SLC35A3: variants seen among roughly 807,000 people sequenced by gnomAD.
The protein encoded by SLC35A3 is UDP-N-acetylglucosamine transporter.
Under a neutral mutation model 39.0 loss-of-function variants are expected in SLC35A3, and 26 were observed. The ratio of observed to expected loss-of-function variants is 0.67; its 90% CI spans 0.49 to 0.92. The LOEUF (loss-of-function observed/expected upper bound fraction) is 0.92. Ranked by LOEUF, SLC35A3 falls within the 40% of genes least tolerant of loss-of-function variation. SLC35A3 has a pLI of 0.00. For synonymous variants in SLC35A3, 135 were observed against 133.1 expected (o/e 1.01, Z -0.10); for missense variants, 299 against 371.6 (o/e 0.80, Z 1.61).
intron 1 of SLC35A3, among the ~76,000 whole-genome samples, chr1:99,976,008 C>T (rs1460270228): frequency 2.0e-5 from 3 of 151,984 alleles, no homozygotes; most frequent in African/African-American, 7.2e-5. Flanking sequence ...TGCAGCGAGC[C>T]GTGATCACAG....
At chr1:100,010,050 A>C (rs747425256) in intron 4 of SLC35A3, among the ~76,000 whole-genome samples, 1 of 152,206 alleles carries the variant, frequency 6.6e-6, no homozygotes, top group Non-Finnish European at 1.5e-5. Flanking sequence ...AAATTTAATT[A>C]GTTAAAATTA....
chr1:99,986,459 C>T (rs1004916772), intron 1 of SLC35A3, among the ~76,000 whole-genome samples: 2 of 151,854 alleles, frequency 1.3e-5, no homozygotes, highest in Non-Finnish European at 2.9e-5. Flanking sequence ...TAAAAACATA[C>T]ATTATAATAA....
At chr1:99,990,191 T>A (rs1657993634) in intron 1 of SLC35A3, among the ~76,000 whole-genome samples, 1 of 152,220 alleles carries the variant, frequency 6.6e-6, no homozygotes, top group Non-Finnish European at 1.5e-5. Context: ...ATTGAATATT[T>A]ATAGTTTCAG....
At chr1:100,007,626 C>G (rs1367179693) in intron 4 of SLC35A3, 1 of 151,118 alleles carries the variant, frequency 6.6e-6, no homozygotes, top group African/African-American at 2.4e-5. Flanking sequence ...TAAGTTACAT[C>G]TTTATTTTTG....
In SLC35A3 at chr1:100,005,113, T is replaced by A. The variant is rs185894904; in HGVS notation, c.343-1921T>A. ...GTATGGTATTTTTATCTGGCAGTTT[T>A]TCTTTCTTTCAGCACTTTGAATATA... is the stretch of plus-strand genomic sequence containing the variant. On this transcript the variant is annotated intron_variant, in intron 3 of 7. Coordinates refer to ENST00000533028, the MANE Select transcript of SLC35A3 (RefSeq NM_012243.3). 1.4e-4 allele frequency among the ~76,000 whole-genome samples: 22 copies of A among 152,318 alleles called. No homozygotes were observed. The East Asian group carries it at 3.5e-3, about 24-fold the overall frequency.
chr1:99,970,709 T>A, intron 1 of SLC35A3: 1 of 1,080,766 alleles, frequency 9.3e-7, no homozygotes, highest in Non-Finnish European at 1.4e-6. Flanking sequence ...AACAGGTGTG[T>A]GGGTGCATTG....
intron 3 of SLC35A3, among the ~76,000 whole-genome samples, chr1:100,003,815 C>T (rs1198154805): frequency 6.6e-6 from 1 of 152,088 alleles, no homozygotes; most frequent in African/African-American, 2.4e-5. Flanking sequence ...GAGTTGGGTG[C>T]ATGTATATTT....
In SLC35A3 at chr1:100,017,672, A is replaced by T. The variant is rs765112592; in HGVS notation, c.754-10A>T. ...TGTGTGTTTTAAAAAATATTTTTTT[A>T]AAACTTCAGGCACTTGGAGGCCTTG... On this transcript the variant is annotated splice_polypyrimidine_tract_variant and intron_variant, in intron 6 of 7. Coordinates refer to ENST00000533028, the MANE Select transcript of SLC35A3 (RefSeq NM_012243.3). 2.1e-5 allele frequency: 31 copies of T among 1,500,610 alleles called. No homozygotes were observed. The highest frequency in any genetic ancestry group is 3.6e-4 in the Middle Eastern group (2 of 5,628). The allele number at this position is 1,500,610 out of a possible 1,614,324, so 93.0% of individuals were successfully genotyped here.
At chr1:100,016,513 A>G (rs753038752) in intron 6 of SLC35A3, among the ~76,000 whole-genome samples, 3 of 151,536 alleles carry the variant, frequency 2.0e-5, no homozygotes, top group Non-Finnish European at 4.4e-5. Flanking sequence ...AGCTGGGACT[A>G]CAGGCGCCCG....
chr1:100,014,816 C>T (rs1659950106), intron 5 of SLC35A3, among the ~76,000 whole-genome samples: 2 of 151,978 alleles, frequency 1.3e-5, no homozygotes, highest in African/African-American at 4.8e-5. Flanking sequence ...TAATATAGTA[C>T]TAAGTATACT....
chr1:100,017,641 T>G (rs754351895), intron 6 of SLC35A3, 41 bp from the exon 7 acceptor site: 7 of 1,375,050 alleles, frequency 5.1e-6, no homozygotes, highest in Non-Finnish European at 6.8e-6. Flanking sequence ...GAAATGCAGT[T>G]TTACATGTGT....
intron 3 of SLC35A3, among the ~76,000 whole-genome samples, chr1:100,002,465 AT>A (rs1658877341): frequency 6.6e-6 from 1 of 151,342 alleles, no homozygotes; most frequent in South Asian, 2.1e-4. Flanking sequence ...TTTGTTTATG[AT>A]TTTATTTGGG....
At chr1:100,011,020 G>C (rs1165264936) in intron 4 of SLC35A3, among the ~76,000 whole-genome samples, 1 of 152,048 alleles carries the variant, frequency 6.6e-6, no homozygotes, top group Non-Finnish European at 1.5e-5. Flanking sequence ...ACAGCAGAGG[G>C]GATGTGAGAT....
chr1:100,020,690 T>C (rs1660471736), intron 7 of SLC35A3, among the ~76,000 whole-genome samples: 1 of 152,178 alleles, frequency 6.6e-6, no homozygotes, highest in Non-Finnish European at 1.5e-5. Flanking sequence ...AGTGGACTTG[T>C]AAATAATGCA....
At chr1:99,999,923 A>G (rs1658651301) in intron 3 of SLC35A3, among the ~76,000 whole-genome samples, 1 of 152,090 alleles carries the variant, frequency 6.6e-6, no homozygotes, top group Non-Finnish European at 1.5e-5. Flanking sequence ...TGTTGTTGCA[A>G]ATGACAGGAT....
chr1:100,017,715 A>C lies in SLC35A3; in HGVS notation c.787A>C (p.Lys263Gln). Reference protein sequence around the residue: ...LGGLVIAAVIKYADNILKGFA... With the variant: ...LGGLVIAAVIQYADNILKGFA... ...AGGCCTTGTAATAGCTGCTGTTATTAAGTATGCAGATAATATTTTAAAAGG... is the reference window on the plus strand; with the variant it reads ...AGGCCTTGTAATAGCTGCTGTTATTCAGTATGCAGATAATATTTTAAAAGG... The change falls in exon 7 of 8, where the codon AAG becomes CAG. Residue 263 changes from lysine (K) to glutamine (Q), a missense_variant. Transcript: ENST00000533028. 1.3e-6 allele frequency: 2 copies of C among 1,574,820 alleles called. No homozygotes were observed. The highest frequency in any genetic ancestry group is 1.2e-5 in the South Asian group (1 of 84,336).
chr1:99,998,919 CAT>C (rs1275301423), intron 2 of SLC35A3, among the ~76,000 whole-genome samples: 3 of 152,038 alleles, frequency 2.0e-5, no homozygotes, highest in African/African-American at 7.2e-5. Flanking sequence ...GTTTTTATAA[CAT>C]TGCTATAATA....
Position 100,025,312 on chromosome 1 carries a change from C to T in SLC35A3, c.*2836C>T, listed in dbSNP as rs570246254. On this transcript the variant is annotated 3_prime_UTR_variant, in exon 8 of 8. Transcript: ENST00000533028. ...CTTATGTATTAATGCAGTGTGCATT[C>T]ACATTTAATCAGGTTTAGTCTGTTT... 4.6e-5 allele frequency: 7 copies of T among 152,278 alleles called. No homozygotes were observed. The East Asian group carries it at 1.3e-3, about 29-fold the overall frequency. The allele number at this position is 152,278 out of a possible 1,614,324, so 9.4% of individuals were successfully genotyped here. A position where few individuals can be genotyped will look rare whatever the true frequency, so the allele number is the denominator to read the frequency against.
At chr1:100,015,043 A>AGCTACTCG (rs1416821415) in intron 5 of SLC35A3, among the ~76,000 whole-genome samples, 47 of 151,736 alleles carry the variant, frequency 3.1e-4, no homozygotes, top group Non-Finnish European at 5.3e-4. Flanking sequence ...CTGTAGTCCC[A>AGCTACTCG]GCTACTCGGG....
Sources: gnomAD v4.1 joint callset for allele counts (sites outside exome capture counted in the v4.1 genomes callset) on GRCh38, gnomAD v4.1.1 for gene constraint, MANE v1.5 for transcripts, NCBI Gene and HGNC (gene_info 2026-07-23, HGNC 2026-07-21) for gene names.